ZNF516: variants seen among roughly 807,000 people sequenced by gnomAD.
The protein encoded by ZNF516 is zinc finger protein 516.
A neutral mutation model predicts 79.7 loss-of-function variants in ZNF516; 19 were observed. The ratio of observed to expected loss-of-function variants is 0.24; its 90% CI spans 0.17 to 0.35. The LOEUF is 0.35. ZNF516 is among the 10% of genes least tolerant of loss of function. ZNF516 has a pLI of 1.00. For synonymous variants in ZNF516, 877 were observed against 739.5 expected, an observed-to-expected ratio of 1.19 and a Z score of -3.02; for missense variants, 1,678 against 1,679.5, an observed-to-expected ratio of 1.00 and a Z score of 0.02.
chr18:76,495,815 T>C (rs1284438738), upstream of ZNF516: 3 of 1,025,296 alleles, frequency 2.9e-6, no homozygotes, highest in East Asian at 1.0e-4. Context: ...CGGCGTAGCG[T>C]GTGCGTGTCA....
chr18:76,488,343 G>C, intron 1 of ZNF516: 2 of 795,578 alleles, frequency 2.5e-6, no homozygotes, highest in Non-Finnish European at 3.0e-6. Context: ...AGCCAGGAAA[G>C]GCCTTTTTGC....
intron 3 of ZNF516, among the ~76,000 whole-genome samples, chr18:76,435,480 A>AGGGC (rs1306902699): frequency 6.6e-6 from 1 of 152,200 alleles, no homozygotes; most frequent in African/African-American, 2.4e-5. Flanking sequence ...GAGGACACCC[A>AGGGC]GGGCCCTGTG....
intron 1 of ZNF516, among the ~76,000 whole-genome samples, chr18:76,475,349 C>T (rs546068971): frequency 1.3e-3 from 203 of 152,256 alleles, no homozygotes; most frequent in Non-Finnish European, 2.3e-3. Context: ...AAGACTTAAA[C>T]GACTGATAAT....
At chr18:76,436,916 G>A (rs565587444) in intron 3 of ZNF516, among the ~76,000 whole-genome samples, 4 of 152,134 alleles carry the variant, frequency 2.6e-5, no homozygotes, top group East Asian at 1.9e-4. Flanking sequence ...AAAAAAATAC[G>A]AAAATTAGCC....
intron 4 of ZNF516, among the ~76,000 whole-genome samples, chr18:76,376,000 A>G (rs2074782183): frequency 6.6e-6 from 1 of 152,220 alleles, no homozygotes. Flanking sequence ...GAGACCAGGC[A>G]GAGGATAGAT....
At chr18:76,422,360 T>C (rs933866013) in intron 3 of ZNF516, among the ~76,000 whole-genome samples, 2 of 152,194 alleles carry the variant, frequency 1.3e-5, no homozygotes, top group Admixed American at 6.5e-5. Flanking sequence ...TGACGGATGA[T>C]GACCATGTAC....
Position 76,491,192 on chromosome 18 carries a change from G to C in ZNF516, c.-272+3952C>G, listed in dbSNP as rs1046154227. The C allele has an allele frequency of 5.9e-6, 5 of 843,458 alleles. No individual in the cohort carries two copies. The South Asian group carries it at 1.6e-4, about 27-fold the overall frequency. 52.2% of individuals were successfully genotyped at this position (843,458 alleles called of 1,614,324 possible). Reference sequence around the variant, plus strand: ...GCCGCGCCTCGGCCCCCGGAGCCCGGTCCACGCCGCCGCGCGGACCCCCGC... The same window carrying C: ...GCCGCGCCTCGGCCCCCGGAGCCCGCTCCACGCCGCCGCGCGGACCCCCGC... On this transcript the variant is annotated intron_variant, in intron 1 of 6. Coordinates refer to ENST00000443185, the MANE Select transcript of ZNF516 (RefSeq NM_014643.4).
chr18:76,449,945 G>A lies in ZNF516; in HGVS notation c.-157-6734C>T, dbSNP rs116869907. On this transcript the variant is annotated intron_variant, in intron 2 of 6. Coordinates refer to ENST00000443185, the MANE Select transcript of ZNF516 (RefSeq NM_014643.4). ...ACCAACACCTATAATCATCTACAAC[G>A]AGCACATTCAAACATATTGTAGCTC... 5.3e-4 allele frequency among the ~76,000 whole-genome samples: 81 copies of A among 152,194 alleles called. No individual in the cohort carries two copies. The East Asian group carries it at 0.014, about 27-fold the overall frequency.
rs1403008213 is a variant in ZNF516, at chr18:76,359,064, T to G, written c.*3434A>C. The G allele has an allele frequency of 6.6e-6, 1 of 152,170 alleles. No homozygotes were observed. The highest frequency in any genetic ancestry group is 1.9e-4 in the East Asian group (1 of 5,186). 9.4% of individuals were successfully genotyped at this position (152,170 alleles called of 1,614,324 possible). A position where few individuals can be genotyped will look rare whatever the true frequency, so the allele number is the denominator to read the frequency against. On this transcript the variant is annotated 3_prime_UTR_variant, in exon 7 of 7. Coordinates refer to ENST00000443185, the MANE Select transcript of ZNF516 (RefSeq NM_014643.4). ...TGTGCCGGAGCCCCTGCAGAGGTGTTCTCACACCCTCAGCGACCTGTGCAC... is the reference window on the plus strand; with the variant it reads ...TGTGCCGGAGCCCCTGCAGAGGTGTGCTCACACCCTCAGCGACCTGTGCAC...
At chr18:76,445,122 T>C (rs1018340755) in intron 2 of ZNF516, among the ~76,000 whole-genome samples, 1 of 152,014 alleles carries the variant, frequency 6.6e-6, no homozygotes, top group Admixed American at 6.6e-5. Context: ...CCAGGCATGA[T>C]GGTGTGCACC....
At chr18:76,423,603 C>CCT (rs1440567821) in intron 3 of ZNF516, among the ~76,000 whole-genome samples, 2,584 of 44,600 alleles carry the variant, frequency 0.058, 44 homozygotes, top group South Asian at 0.085. Flanking sequence ...AAGGCTTCAC[C>CCT]CCTGAAACAC....
At chr18:76,465,832 G>A (rs1180374630) in intron 1 of ZNF516, among the ~76,000 whole-genome samples, 1 of 152,162 alleles carries the variant, frequency 6.6e-6, no homozygotes, top group Non-Finnish European at 1.5e-5. Flanking sequence ...TGATGGTCAC[G>A]AAAACAGAGA....
intron 2 of ZNF516, among the ~76,000 whole-genome samples, chr18:76,462,415 A>C (rs1337750556): frequency 2.0e-5 from 3 of 152,236 alleles, no homozygotes; most frequent in Non-Finnish European, 4.4e-5. Context: ...CCTTTAGTTT[A>C]GAAACATCGC....
chr18:76,484,547 T>A (rs188320889), intron 1 of ZNF516, among the ~76,000 whole-genome samples: 1 of 152,202 alleles, frequency 6.6e-6, no homozygotes, highest in Non-Finnish European at 1.5e-5. Context: ...TACCACCTTG[T>A]AGGAATCTAA....
At chr18:76,462,138 C>T (rs762678222) in intron 2 of ZNF516, among the ~76,000 whole-genome samples, 2 of 152,190 alleles carry the variant, frequency 1.3e-5, no homozygotes, top group African/African-American at 4.8e-5. Context: ...CAGCCTCCGC[C>T]GATGAGCGCT....
At chr18:76,425,846 G>A (rs1432351805) in intron 3 of ZNF516, among the ~76,000 whole-genome samples, 1 of 152,118 alleles carries the variant, frequency 6.6e-6, no homozygotes, top group East Asian at 1.9e-4. Context: ...GCAGAGCCTC[G>A]ACACAGAAAT....
chr18:76,480,529 A>ATCT (rs374464151), intron 1 of ZNF516, among the ~76,000 whole-genome samples: 1 of 142,024 alleles, frequency 7.0e-6, no homozygotes, highest in Admixed American at 7.0e-5. Context: ...ACACACATAT[A>ATCT]TTTTTTTTTT....
intron 1 of ZNF516, among the ~76,000 whole-genome samples, chr18:76,480,053 G>C (rs1336490564): frequency 6.6e-6 from 1 of 150,612 alleles, no homozygotes; most frequent in African/African-American, 2.5e-5. Flanking sequence ...GTTTGTGGCG[G>C]GGCGCCCCTA....
At chr18:76,378,472 G>C (rs188487591) in intron 4 of ZNF516, among the ~76,000 whole-genome samples, 1 of 152,130 alleles carries the variant, frequency 6.6e-6, no homozygotes, top group Admixed American at 6.5e-5. Context: ...GAACATCTAC[G>C]GATTCTGTTT....
Sources: allele counts gnomAD v4.1 joint callset (sites outside exome capture counted in the v4.1 genomes callset), GRCh38; gene constraint gnomAD v4.1.1; transcripts MANE v1.5; gene names NCBI Gene and HGNC (gene_info 2026-07-23, HGNC 2026-07-21).